KIF1C: variants seen among roughly 807,000 people sequenced by gnomAD.
The protein encoded by KIF1C is kinesin family member 1C, also known as kinesin-like protein KIF1C.
A neutral mutation model predicts 126.5 loss-of-function variants in KIF1C; 61 were observed. The observed-to-expected ratio is 0.48, with a 90% CI of 0.39 to 0.60. The LOEUF (loss-of-function observed/expected upper bound fraction) is 0.60. Among genes scored for constraint, KIF1C ranks in the 20% least tolerant of loss-of-function variants. The pLI is 0.00. For missense variants in KIF1C, 1,315 were observed against 1,489.2 expected (o/e 0.88, Z 1.93); for synonymous variants, 640 against 580.6 (o/e 1.10, Z -1.47).
Position 4,998,001 on chromosome 17 carries a change from C to A in KIF1C, c.-304C>A, listed in dbSNP as rs1974425205. The A allele has an allele frequency of 1.4e-5, 2 of 147,724 alleles. No individual in the cohort carries two copies. Among genetic ancestry groups the A allele is most frequent in the Non-Finnish European group, 1.5e-5 (1 of 66,488 alleles). 9.2% of individuals were successfully genotyped at this position (147,724 alleles called of 1,614,324 possible). ...GCCGCTGGCGCCGCTACTGCTGCCGCCCCCGGGGCGCGAGTCCGCCGCCCG... is the reference window on the plus strand; with the variant it reads ...GCCGCTGGCGCCGCTACTGCTGCCGACCCCGGGGCGCGAGTCCGCCGCCCG... On this transcript the variant is annotated 5_prime_UTR_variant, in exon 1 of 23. Coordinates refer to ENST00000320785, the MANE Select transcript of KIF1C (RefSeq NM_006612.6).
At chr17:4,998,773 G>A (rs1028459591) in intron 1 of KIF1C, among the ~76,000 whole-genome samples, 1 of 152,096 alleles carries the variant, frequency 6.6e-6, no homozygotes, top group African/African-American at 2.4e-5. Flanking sequence ...AGCGTGACAG[G>A]AGTTTGGGGT....
intron 16 of KIF1C, among the ~76,000 whole-genome samples, chr17:5,008,716 C>T (rs1483749608): frequency 1.3e-5 from 2 of 152,190 alleles, no homozygotes; most frequent in African/African-American, 4.8e-5. Flanking sequence ...GGCCAGGCTG[C>T]GTGTCTGGGG....
rs537748378 is a variant in KIF1C at position 5,020,941 on chromosome 17, G to A, written c.2010+63G>A. The A allele has an allele frequency of 2.1e-5, 30 of 1,420,612 alleles. No individual in the cohort carries two copies. The African/African-American group carries it at 3.4e-4, about 16-fold the overall frequency. 88.0% of individuals were successfully genotyped at this position (1,420,612 alleles called of 1,614,324 possible). ...AGATGAGCCGCAAGCCTGAGTCCGA[G>A]TGCAGTGCTCACCGCTGAGCCAGAG... On this transcript the variant is annotated intron_variant, in intron 21 of 22. Transcript: ENST00000320785. This position sits in a 1 kb window ranked among gnomAD's most constrained non-coding sequence, Gnocchi z 5.8.
At chr17:5,000,995 T>TACCTAAGG in intron 4 of KIF1C, 147 bp downstream of exon 4, 1 of 946,304 alleles carries the variant, frequency 1.1e-6, no homozygotes, top group Non-Finnish European at 1.6e-6. Context: ...GTAGGACCCT[T>TACCTAAGG]AGGCTGTGAT....
Position 5,023,476 on chromosome 17 carries a change from G to T in KIF1C, c.2637G>T (p.Glu879Asp). ...TCACTCCTCCCTCCCAGGATCATGAGGATGAGAATGAAGAAGGTGGTGAGG... is the reference window on the plus strand; with the variant it reads ...TCACTCCTCCCTCCCAGGATCATGATGATGAGAATGAAGAAGGTGGTGAGG... ...ERVIPLAQDHEDENEEGGEVP... is the reference protein window; with the variant it reads ...ERVIPLAQDHDDENEEGGEVP... Residue 879 changes from glutamate to aspartate, a missense_variant, in exon 23 of 23, where the codon GAG (glutamate) becomes GAT (aspartate). Coordinates refer to ENST00000320785, the MANE Select transcript of KIF1C (RefSeq NM_006612.6). This position sits in a 1 kb window ranked among gnomAD's most constrained non-coding sequence, Gnocchi z 4.2. The T allele has an allele frequency of 6.2e-7, 1 of 1,613,840 alleles. No individual in the cohort carries two copies. Among genetic ancestry groups the T allele is most frequent in the Non-Finnish European group, 8.5e-7 (1 of 1,179,806 alleles).
intron 18 of KIF1C, among the ~76,000 whole-genome samples, chr17:5,018,402 C>T (rs1366998786): frequency 3.3e-5 from 5 of 152,148 alleles, no homozygotes; most frequent in African/African-American, 1.2e-4. Context: ...CACAGTGGCT[C>T]ATGCCTGTGA....
chr17:5,026,443 T>C lies in KIF1C; in HGVS notation c.*2292T>C, dbSNP rs1975209267. On this transcript the variant is annotated 3_prime_UTR_variant, in exon 23 of 23. Coordinates refer to ENST00000320785, the MANE Select transcript of KIF1C (RefSeq NM_006612.6). ...CCTTGACTTATGTAAATGTATATTA[T>C]CCATAATTTTAAAAATCCACTTATG... The C allele has an allele frequency of 1.3e-5, 2 of 152,148 alleles. No homozygotes were observed. The highest frequency in any genetic ancestry group is 4.8e-5 in the African/African-American group (2 of 41,428). 9.4% of individuals were successfully genotyped at this position (152,148 alleles called of 1,614,324 possible). A position where few individuals can be genotyped will look rare whatever the true frequency, so the allele number is the denominator to read the frequency against.
At chr17:5,017,293 CTTTTTT>C (rs34140025) in intron 18 of KIF1C, among the ~76,000 whole-genome samples, 4 of 85,212 alleles carry the variant, frequency 4.7e-5, no homozygotes, top group Admixed American at 1.4e-4. Flanking sequence ...GGCCTTGGTT[CTTTTTT>C]TTTTTTTTTT....
At chr17:5,013,577 C>A in intron 16 of KIF1C, 76 bp from the exon 17 acceptor site, 1 of 1,064,304 alleles carries the variant, frequency 9.4e-7, no homozygotes, top group Non-Finnish European at 1.5e-6. Flanking sequence ...GGGGTGTCTC[C>A]TCCCACCGCT....
chr17:5,012,565 C>T (rs1399088880), intron 16 of KIF1C, among the ~76,000 whole-genome samples: 2 of 151,842 alleles, frequency 1.3e-5, no homozygotes, highest in Non-Finnish European at 2.9e-5. Context: ...AAAGTAGGCT[C>T]AAGTCCAGCG....
intron 5 of KIF1C, 151 bp downstream of exon 5, chr17:5,001,552 A>G: frequency 1.2e-6 from 1 of 807,048 alleles, no homozygotes; most frequent in Non-Finnish European, 1.9e-6. Flanking sequence ...AAGCTGGACA[A>G]CCCTCTGGGG....
At chr17:5,012,014 A>G (rs1974877930) in intron 16 of KIF1C, 1 of 151,984 alleles carries the variant, frequency 6.6e-6, no homozygotes, top group Non-Finnish European at 1.5e-5. Flanking sequence ...GTGGCACTCA[A>G]CCCCCTGGGA....
chr17:5,007,217 T>C, intron 14 of KIF1C, 46 bp from the exon 15 acceptor site: 1 of 1,583,422 alleles, frequency 6.3e-7, no homozygotes, highest in East Asian at 2.3e-5. Flanking sequence ...ACCCTGGGTC[T>C]GCTTGTCCCA....
Position 5,022,362 on chromosome 17 carries a change from C to G in KIF1C, c.2281C>G (p.Leu761Val), listed in dbSNP as rs573302051. 2.5e-6 allele frequency: 4 copies of G among 1,588,980 alleles called. No individual in the cohort carries two copies. In the South Asian group the frequency reaches 4.5e-5, roughly 18 times the overall value. The change falls in exon 22 of 23, where the codon CTG becomes GTG. Residue 761 changes from leucine (L) to valine (V), a missense_variant. Transcript: ENST00000320785. This position sits in a 1 kb window ranked among gnomAD's most constrained non-coding sequence, Gnocchi z 4.9. ...GAAGGAGATCTGCTACGAGGTGGCCCTGGCTGACTTCCGCCACGGGCGGGC... is the reference window on the plus strand; with the variant it reads ...GAAGGAGATCTGCTACGAGGTGGCCGTGGCTGACTTCCGCCACGGGCGGGC... ...AVKEICYEVA[L>V]ADFRHGRAEI...
chr17:5,008,190 T>C (rs1974777928), intron 16 of KIF1C, among the ~76,000 whole-genome samples: 2 of 152,148 alleles, frequency 1.3e-5, no homozygotes, highest in East Asian at 1.9e-4. Context: ...AAATCTTTGC[T>C]GAAAGGAAGG....
At chr17:5,014,498 G>T (rs912389871) in intron 17 of KIF1C, among the ~76,000 whole-genome samples, 1 of 151,732 alleles carries the variant, frequency 6.6e-6, no homozygotes, top group African/African-American at 2.4e-5. Context: ...TGGCGAGCCT[G>T]CTGTATAACA....
intron 18 of KIF1C, 68 bp downstream of exon 18, chr17:5,014,905 A>G: frequency 7.5e-7 from 1 of 1,328,682 alleles, no homozygotes; most frequent in Middle Eastern, 1.8e-4. Flanking sequence ...CACACACTGA[A>G]CTCAGAGGTC....
intron 4 of KIF1C, 44 bp from the exon 5 acceptor site, chr17:5,001,178 C>T (rs756615847): frequency 6.3e-7 from 1 of 1,583,982 alleles, no homozygotes; most frequent in African/African-American, 1.3e-5. Flanking sequence ...AGGATAAAGA[C>T]ATCCAGGGTT....
Position 5,007,035 on chromosome 17 carries a change from C to T in KIF1C, c.1286C>T (p.Pro429Leu). The T allele has an allele frequency of 6.2e-6, 10 of 1,607,692 alleles. No individual in the cohort carries two copies. The highest frequency in any genetic ancestry group is 2.2e-5 in the East Asian group (1 of 44,812). Residue 429 changes from proline (P) to leucine (L), a missense_variant, in exon 14 of 23, where the codon CCC becomes CTC. Around this residue, in one of 2 missense-constraint regions of KIF1C, gnomAD observed 874 missense variants for 1,053.2 expected, o/e 0.83. Transcript: ENST00000320785. ...GGGGAGCTGGAGCCGTCATTCTCCC[C>T]CAACACGGAGTCCCAGATTGGGCCT... ...HNGELEPSFS[P>L]NTESQIGPEE...
Sources: allele counts gnomAD v4.1 joint callset (sites outside exome capture counted in the v4.1 genomes callset), GRCh38; gene constraint gnomAD v4.1.1; regional missense constraint gnomAD v4.1.1; non-coding constraint Gnocchi (gnomAD v3.1); transcripts MANE v1.5; gene names NCBI Gene and HGNC (gene_info 2026-07-23, HGNC 2026-07-21).